TRPM4: variants seen among roughly 807,000 people sequenced by gnomAD.
TRPM4 encodes calcium-activated non-selective cation channel 1.
Under a neutral mutation model 135.6 loss-of-function variants are expected in TRPM4, and 124 were observed. The ratio of observed to expected loss-of-function variants is 0.91; its 90% CI spans 0.79 to 1.06. The LOEUF (loss-of-function observed/expected upper bound fraction) is 1.06. Among genes scored for constraint, TRPM4 ranks in the 50% least tolerant of loss-of-function variants. The pLI is 0.00. For missense variants in TRPM4, 1,658 were observed against 1,671.4 expected (o/e 0.99, Z 0.14); for synonymous variants, 745 against 705.6 (o/e 1.06, Z -0.88).
In TRPM4 at chr19:49,182,778, C is replaced by A. The variant is rs763238302; in HGVS notation, c.1464C>A (p.Ala488=). The change falls in exon 11 of 25, where the codon GCC becomes GCA. Residue 488 remains alanine (A), a synonymous_variant. Transcript: ENST00000252826. The part of the protein sequence containing the change: ...DQASHSAGTK[A]PALKGGAAEL... ...CGTCCCACAGCGCAGGCACCAAAGC[C>A]CCAGCCCTAAAAGGGGGAGCTGCGG... is the stretch of plus-strand genomic sequence containing the variant. 4 of 1,577,808 alleles carry A rather than the reference C, an allele frequency of 2.5e-6. No homozygotes were observed. In the Admixed American group the frequency reaches 6.7e-5, roughly 27 times the overall value.
At position 49,168,301 on chromosome 19, in the gene TRPM4, C is replaced by T. The variant is rs387907216; in HGVS notation, c.490C>T (p.Arg164Trp). Reference protein sequence around the residue: ...VTGGLHTGIGRHVGVAVRDHQ... With the variant: ...VTGGLHTGIGWHVGVAVRDHQ... ...TGGGGGTCTGCACACGGGCATCGGC[C>T]GGCATGTTGGTGTGGCTGTACGGGA... is the stretch of plus-strand genomic sequence containing the variant. Residue 164 changes from arginine (R) to tryptophan (W), a missense_variant, in exon 5 of 25, where the codon CGG becomes TGG. Transcript: ENST00000252826. 5.0e-6 allele frequency: 8 copies of T among 1,614,134 alleles called. No homozygotes were observed. The highest frequency in any genetic ancestry group is 4.4e-5 in the South Asian group (4 of 91,090).
In TRPM4 at chr19:49,211,354, T is replaced by A; in HGVS notation, c.3640+85T>A. On this transcript the variant is annotated intron_variant, in intron 24 of 24. Coordinates refer to ENST00000252826, the MANE Select transcript of TRPM4 (RefSeq NM_017636.4). This position sits in a 1 kb window ranked among gnomAD's most constrained non-coding sequence, Gnocchi z 4.8. ...TTTCTCTCTCGGCACCTTTCCAGTGTCCCTGGGTCACTCTCTTGGTCTCCT... is the reference window on the plus strand; with the variant it reads ...TTTCTCTCTCGGCACCTTTCCAGTGACCCTGGGTCACTCTCTTGGTCTCCT... 1.3e-6 allele frequency: 2 copies of A among 1,562,324 alleles called. No homozygotes were observed. Among genetic ancestry groups the A allele is most frequent in the Non-Finnish European group, 1.8e-6 (2 of 1,138,866 alleles).
At chr19:49,197,326 TTCTTTC>T (rs1968709087) in intron 17 of TRPM4, among the ~76,000 whole-genome samples, 1 of 134,202 alleles carries the variant, frequency 7.5e-6, no homozygotes, top group African/African-American at 3.3e-5. Context: ...CTTTCTTTCT[TTCTTTC>T]TTTCTTTCTT....
At chr19:49,160,228 C>T (rs538968574) in intron 2 of TRPM4, among the ~76,000 whole-genome samples, 5 of 152,312 alleles carry the variant, frequency 3.3e-5, no homozygotes, top group Admixed American at 2.0e-4. Context: ...TTGTGGCTCA[C>T]GCCTGTCATC....
rs553103637 is a variant in TRPM4 at position 49,161,112 on chromosome 19, T to C, written c.92+2853T>C. Among the ~76,000 whole-genome samples, 356 of 151,688 alleles carry C rather than the reference T, an allele frequency of 2.3e-3. 3 individuals are homozygous for C. The highest frequency in any genetic ancestry group is 8.3e-3 in the African/African-American group (343 of 41,340). On this transcript the variant is annotated intron_variant, in intron 2 of 24. Transcript: ENST00000252826. Reference sequence around the variant, plus strand: ...ACCGAGGGGCATGTGGGGACTGAGATTGGGAAAGGTCTGGACTAATGTCCA... The same window carrying C: ...ACCGAGGGGCATGTGGGGACTGAGACTGGGAAAGGTCTGGACTAATGTCCA...
At chr19:49,170,732 G>A (rs1360026895) in intron 6 of TRPM4, among the ~76,000 whole-genome samples, 1 of 152,008 alleles carries the variant, frequency 6.6e-6, no homozygotes, top group Non-Finnish European at 1.5e-5. Context: ...CTCCTCCCTG[G>A]GGAAGTTAAG....
At chr19:49,164,840 G>GTGA in intron 2 of TRPM4, among the ~76,000 whole-genome samples, 1 of 151,620 alleles carries the variant, frequency 6.6e-6, no homozygotes, top group East Asian at 1.9e-4. Context: ...CCAGGCTGAA[G>GTGA]TGATCCTCCT....
chr19:49,202,448 A>G (rs1014846180), intron 20 of TRPM4, among the ~76,000 whole-genome samples: 1 of 152,002 alleles, frequency 6.6e-6, no homozygotes, highest in Admixed American at 6.6e-5. Context: ...GACTCAAGCA[A>G]TCCTCCTGCC....
chr19:49,210,513 C>A lies in TRPM4; in HGVS notation c.3328+108C>A. 2 of 1,466,676 alleles carry A rather than the reference C, an allele frequency of 1.4e-6. No individual in the cohort carries two copies. Among genetic ancestry groups the A allele is most frequent in the African/African-American group, 1.4e-5 (1 of 72,162 alleles). 90.9% of individuals were successfully genotyped at this position (1,466,676 alleles called of 1,614,324 possible). ...TGACTAACGGGCGTGGCTTAGGTAG[C>A]GAGGGGCGGGGTTTAAGCAACAAGG... On this transcript the variant is annotated intron_variant, in intron 21 of 24. Transcript: ENST00000252826. The surrounding 1 kb of genome is among the most constrained non-coding windows in gnomAD (Gnocchi z 4.1).
chr19:49,200,539 G>C (rs578091446), intron 18 of TRPM4, 72 bp from the exon 19 acceptor site: 2 of 1,596,026 alleles, frequency 1.3e-6, no homozygotes, highest in African/African-American at 1.3e-5. Flanking sequence ...GCAATGGGGC[G>C]TGTTTTTGGG....
intron 20 of TRPM4, among the ~76,000 whole-genome samples, chr19:49,205,271 T>C (rs977473253): frequency 6.6e-6 from 1 of 152,140 alleles, no homozygotes; most frequent in African/African-American, 2.4e-5. Flanking sequence ...GAGAGTCTGT[T>C]CCATGCCCCT....
chr19:49,172,185 C>T (rs1202195557), intron 9 of TRPM4, 77 bp downstream of exon 9: 1 of 1,128,456 alleles, frequency 8.9e-7, no homozygotes, highest in East Asian at 2.4e-5. Context: ...GCACTTCATC[C>T]ACCCTCTCTA....
intron 17 of TRPM4, among the ~76,000 whole-genome samples, chr19:49,199,149 C>T (rs960212267): frequency 6.6e-6 from 1 of 151,826 alleles, no homozygotes; most frequent in African/African-American, 2.4e-5. Context: ...GTAAACATGA[C>T]CTCTCCTTGT....
At position 49,171,728 on chromosome 19, in the gene TRPM4, C is replaced by A. The variant is rs368950027; in HGVS notation, c.1009C>A (p.Arg337Ser). Residue 337 changes from arginine (R) to serine (S), a missense_variant, in exon 8 of 25, where the codon CGT becomes AGT. Arg to Ser is a moderately radical substitution (Grantham distance 110). Transcript: ENST00000252826. This position sits in a 1 kb window ranked among gnomAD's most constrained non-coding sequence, Gnocchi z 4.7. ...RQGEARDRIR[R>S]FFPKGDLEVL... ...AGGCGAAGCCCGAGATCGAATCAGG[C>A]GTTTCTTTCCCAAAGGGGACCTTGA... is the stretch of plus-strand genomic sequence containing the variant. 7 of 1,612,722 alleles carry A rather than the reference C, an allele frequency of 4.3e-6. No homozygotes were observed. Among genetic ancestry groups the A allele is most frequent in the African/African-American group, 1.3e-5 (1 of 74,856 alleles).
intron 9 of TRPM4, among the ~76,000 whole-genome samples, chr19:49,180,428 CTGTGTGTGTGTGTGTGTGTGTGTG>C (rs71919979): frequency 9.1e-5 from 12 of 131,242 alleles, no homozygotes; most frequent in African/African-American, 3.2e-4. Context: ...TCATCATCTG[CTGTGTGTGTGTGTGTGTGTGTGTG>C]TGTGTGTGTG....
At position 49,171,379 on chromosome 19, in the gene TRPM4, C is replaced by T; in HGVS notation, c.819C>T (p.Val273=). The T allele has an allele frequency of 5.0e-6, 8 of 1,614,084 alleles. No individual in the cohort carries two copies. The highest frequency in any genetic ancestry group is 1.7e-5 in the Admixed American group (1 of 60,006). Residue 273 remains valine, a synonymous_variant, in exon 7 of 25, where the codon GTC becomes GTT. Coordinates refer to ENST00000252826, the MANE Select transcript of TRPM4 (RefSeq NM_017636.4). The surrounding 1 kb of genome is among the most constrained non-coding windows in gnomAD (Gnocchi z 4.7). The part of the protein sequence containing the change: ...GVGGTGIDIP[V]LLLLIDGDEK... ...CAGGGACTGGAATTGACATCCCTGT[C>T]CTGCTCCTCCTGATTGATGGTGATG...
In TRPM4 at chr19:49,210,555, T is replaced by C; in HGVS notation, c.3328+150T>C. On this transcript the variant is annotated intron_variant, in intron 21 of 24. Transcript: ENST00000252826. The surrounding 1 kb of genome is among the most constrained non-coding windows in gnomAD (Gnocchi z 4.1). ...GCAACAAGGGGCGGAGCTTAAGCAC[T>C]GAGGGGCAGTGCTTACGGGTGAGGG... 1.4e-6 allele frequency: 2 copies of C among 1,418,060 alleles called. No individual in the cohort carries two copies. Among genetic ancestry groups the C allele is most frequent in the Non-Finnish European group, 9.8e-7 (1 of 1,023,160 alleles). 87.8% of individuals were successfully genotyped at this position (1,418,060 alleles called of 1,614,324 possible). A position where few individuals can be genotyped will look rare whatever the true frequency, so the allele number is the denominator to read the frequency against.
In TRPM4 at chr19:49,181,349, C is replaced by T. The variant is rs777499678; in HGVS notation, c.1151C>T (p.Ala384Val). The change falls in exon 10 of 25, where the codon GCC becomes GTC. Residue 384 changes from alanine (A) to valine (V), a missense_variant and splice_region_variant. Ala to Val is a moderately conservative substitution (Grantham distance 64, BLOSUM62 0). Coordinates refer to ENST00000252826, the MANE Select transcript of TRPM4 (RefSeq NM_017636.4). ...ETIVLKALVK[A>V]CGSSEASAYL... ...TCCCCTCTCCCTCTAATCCTTCCAG[C>T]CTGTGGGAGCTCGGAGGCCTCAGCC... The T allele has an allele frequency of 1.9e-6, 3 of 1,611,692 alleles. No homozygotes were observed. The highest frequency in any genetic ancestry group is 1.7e-4 in the Middle Eastern group (1 of 6,060).
At chr19:49,169,161 C>G (rs1441500326) in intron 6 of TRPM4, among the ~76,000 whole-genome samples, 2 of 151,560 alleles carry the variant, frequency 1.3e-5, no homozygotes, top group Admixed American at 1.3e-4. Context: ...GATCAAGCCA[C>G]TGCACTCCAG....
Sources: allele counts gnomAD v4.1 joint callset (sites outside exome capture counted in the v4.1 genomes callset), GRCh38; gene constraint gnomAD v4.1.1; non-coding constraint Gnocchi (gnomAD v3.1); transcripts MANE v1.5; gene names NCBI Gene and HGNC (gene_info 2026-07-23, HGNC 2026-07-21).